CCDC146: variants seen among roughly 807,000 people sequenced by gnomAD.
CCDC146 encodes the protein coiled-coil domain containing 146.
A neutral mutation model predicts 119.3 loss-of-function variants in CCDC146; 92 were observed. The observed-to-expected ratio is 0.77, with a 90% CI of 0.65 to 0.92. The LOEUF is 0.92. Ranked by LOEUF, CCDC146 falls within the 40% of genes least tolerant of loss-of-function variation. CCDC146 has a pLI of 0.00. For missense variants in CCDC146, 1,000 were observed against 1,103.0 expected (o/e 0.91, Z 1.32); for synonymous variants, 372 against 371.8 (o/e 1.00, Z -0.01).
rs761344389 is a variant in CCDC146 at position 77,286,810 on chromosome 7, A to G, written c.2161A>G (p.Thr721Ala). The G allele has an allele frequency of 6.2e-7, 1 of 1,613,826 alleles. No homozygotes were observed. Among genetic ancestry groups the G allele is most frequent in the Admixed American group, 1.7e-5 (1 of 60,020 alleles). The change falls in exon 16 of 19, where the codon ACA becomes GCA. Residue 721 changes from threonine (T) to alanine (A), a missense_variant. Coordinates refer to ENST00000285871, the MANE Select transcript of CCDC146 (RefSeq NM_020879.3). ...AVLQIQFSQC[T>A]DRIKDLEKQF... The stretch of plus-strand genomic sequence containing the variant: ...TTTTTCTTAATAGTTTTCACAGTGT[A>G]CAGACAGAATTAAAGACCTGGAGAA...
rs1489575272 is a variant in CCDC146 at position 77,197,849 on chromosome 7, A to G, written c.156+30025A>G. Among the ~76,000 whole-genome samples, 3 of 152,306 alleles carry G rather than the reference A, an allele frequency of 2.0e-5. No homozygotes were observed. In the East Asian group the frequency reaches 5.8e-4, roughly 29 times the overall value. The stretch of plus-strand genomic sequence containing the variant: ...GGTTTCTAGAAAGAAACAACAGGTG[A>G]CTATATTGAGGATAAGCATAATAAT... On this transcript the variant is annotated intron_variant, in intron 2 of 18. Transcript: ENST00000285871.
At chr7:77,158,519 T>A (rs572603839) in intron 1 of CCDC146, among the ~76,000 whole-genome samples, 63 of 152,250 alleles carry the variant, frequency 4.1e-4, no homozygotes, top group African/African-American at 1.5e-3. Context: ...ATTTATTGTT[T>A]TTTTTTGTTT....
In CCDC146 at chr7:77,289,545, A is replaced by G. The variant is rs139235433; in HGVS notation, c.2415+1968A>G. Among the ~76,000 whole-genome samples the G allele has an allele frequency of 3.0e-3, 450 of 152,358 alleles. 2 individuals carry two copies. The highest frequency in any genetic ancestry group is 0.01 in the African/African-American group (424 of 41,584). ...ATCAAAAGTAGAAAATGACCTTGAG[A>G]AAGATGGATAAATGATCTTAAAACT... is the stretch of plus-strand genomic sequence containing the variant. On this transcript the variant is annotated intron_variant, in intron 17 of 18. Transcript: ENST00000285871.
chr7:77,220,976 T>C (rs533922033), intron 2 of CCDC146, among the ~76,000 whole-genome samples: 1 of 152,290 alleles, frequency 6.6e-6, no homozygotes, highest in East Asian at 1.9e-4. Flanking sequence ...CATCTGCTTC[T>C]GGGAAGACCT....
Position 77,271,017 on chromosome 7 carries a change from G to A in CCDC146, c.1174-2677G>A, listed in dbSNP as rs535755466. On this transcript the variant is annotated intron_variant, in intron 9 of 18. Coordinates refer to ENST00000285871, the MANE Select transcript of CCDC146 (RefSeq NM_020879.3). ...TCATATGGGCACCCCCAGCTGCAAAGAAGTGTGAGGACTCCTGGATACATT... is the reference window on the plus strand; with the variant it reads ...TCATATGGGCACCCCCAGCTGCAAAAAAGTGTGAGGACTCCTGGATACATT... Among the ~76,000 whole-genome samples, 34 of 142,126 alleles carry A rather than the reference G, an allele frequency of 2.4e-4. 1 individual carries two copies. Among genetic ancestry groups the A allele is most frequent in the Non-Finnish European group, 3.9e-4 (26 of 66,622 alleles). The allele number at this position is 142,126 out of a possible 152,430, so 93.2% of individuals were successfully genotyped here. A position where few individuals can be genotyped will look rare whatever the true frequency, so the allele number is the denominator to read the frequency against.
intron 9 of CCDC146, among the ~76,000 whole-genome samples, chr7:77,265,430 T>C (rs1793381873): frequency 6.6e-6 from 1 of 152,238 alleles, no homozygotes; most frequent in Non-Finnish European, 1.5e-5. Context: ...TGCTGAATCA[T>C]CAAAGCATTC....
chr7:77,258,734 A>T (rs1170844046), intron 6 of CCDC146, among the ~76,000 whole-genome samples: 3 of 152,200 alleles, frequency 2.0e-5, no homozygotes, highest in Non-Finnish European at 4.4e-5. Flanking sequence ...TATGTGGAGG[A>T]GCATCTGTAC....
At position 77,142,196 on chromosome 7, in the gene CCDC146, A is replaced by G. The variant is rs192145045; in HGVS notation, c.-12+19464A>G. 6.2e-3 allele frequency among the ~76,000 whole-genome samples: 951 copies of G among 152,260 alleles called. 10 individuals carry two copies. Among genetic ancestry groups the G allele is most frequent in the African/African-American group, 0.021 (883 of 41,554 alleles). ...CTCTCTCACCACTCTTATTCAGCAT[A>G]GTATTGGAAGTTCTGGCCAGGGCAA... On this transcript the variant is annotated intron_variant, in intron 1 of 18. Transcript: ENST00000285871.
Position 77,294,990 on chromosome 7 carries a change from C to A in CCDC146, c.*124C>A. 4.0e-6 allele frequency: 3 copies of A among 745,108 alleles called. No individual in the cohort carries two copies. The highest frequency in any genetic ancestry group is 3.9e-4 in the Middle Eastern group (1 of 2,592). The allele number at this position is 745,108 out of a possible 1,614,324, so 46.2% of individuals were successfully genotyped here. A position where few individuals can be genotyped will look rare whatever the true frequency, so the allele number is the denominator to read the frequency against. On this transcript the variant is annotated 3_prime_UTR_variant, in exon 19 of 19. Coordinates refer to ENST00000285871, the MANE Select transcript of CCDC146 (RefSeq NM_020879.3). ...GATAAGTAAGGTAACCACAATTAGT[C>A]AGCAACAGAGTACAACAGGGTTTCT... is the stretch of plus-strand genomic sequence containing the variant.
At chr7:77,277,235 T>C (rs1235928655) in intron 11 of CCDC146, among the ~76,000 whole-genome samples, 23 of 152,170 alleles carry the variant, frequency 1.5e-4, no homozygotes, top group Admixed American at 1.5e-3. Flanking sequence ...CTTCCTCCCT[T>C]TTCTCTTTAG....
chr7:77,263,597 G>A (rs367704062), intron 9 of CCDC146, among the ~76,000 whole-genome samples: 17 of 152,352 alleles, frequency 1.1e-4, no homozygotes, highest in Middle Eastern at 3.4e-3. Context: ...CTTGGACTTC[G>A]TCTTGCTGTC....
intron 2 of CCDC146, among the ~76,000 whole-genome samples, chr7:77,218,901 C>T (rs1792349086): frequency 6.6e-6 from 1 of 151,910 alleles, no homozygotes; most frequent in Non-Finnish European, 1.5e-5. Context: ...AATGAATTCT[C>T]TATTTTTTAA....
chr7:77,276,225 A>T (rs1353608662), intron 11 of CCDC146, among the ~76,000 whole-genome samples: 2 of 150,956 alleles, frequency 1.3e-5, no homozygotes, highest in Non-Finnish European at 1.5e-5. Flanking sequence ...AAAAAAAAAG[A>T]ATTTATCTCA....
chr7:77,278,069 G>C (rs562342286), intron 11 of CCDC146, among the ~76,000 whole-genome samples: 1 of 152,242 alleles, frequency 6.6e-6, no homozygotes, highest in African/African-American at 2.4e-5. Context: ...ACATACAAAA[G>C]AATGGAAAGC....
chr7:77,293,423 C>T (rs1418705050), intron 18 of CCDC146, among the ~76,000 whole-genome samples: 1 of 152,222 alleles, frequency 6.6e-6, no homozygotes, highest in Non-Finnish European at 1.5e-5. Context: ...ACAGGGCCCA[C>T]CCCATAGCCT....
chr7:77,147,540 T>C (rs753132049), intron 1 of CCDC146, among the ~76,000 whole-genome samples: 3 of 152,224 alleles, frequency 2.0e-5, no homozygotes, highest in Admixed American at 6.5e-5. Flanking sequence ...TCTTTGTGGT[T>C]TTATCTACCT....
chr7:77,252,016 G>A (rs1314833248), intron 4 of CCDC146, among the ~76,000 whole-genome samples: 2 of 152,102 alleles, frequency 1.3e-5, no homozygotes, highest in Non-Finnish European at 2.9e-5. Context: ...GGACGTGGTG[G>A]CACGTGCCTA....
intron 2 of CCDC146, among the ~76,000 whole-genome samples, chr7:77,201,387 CAAA>C (rs56093311): frequency 7.5e-5 from 10 of 133,244 alleles, no homozygotes; most frequent in African/African-American, 8.1e-5. Context: ...ACTAAAAATA[CAAA>C]AAAAAAAAAA....
intron 2 of CCDC146, among the ~76,000 whole-genome samples, chr7:77,217,562 T>TAGAGAG (rs34086605): frequency 6.8e-6 from 1 of 147,212 alleles, no homozygotes; most frequent in Admixed American, 6.8e-5. Flanking sequence ...TATATATATA[T>TAGAGAG]AGAGAGAGAG....
Sources: allele counts gnomAD v4.1 joint callset (sites outside exome capture counted in the v4.1 genomes callset), GRCh38; gene constraint gnomAD v4.1.1; transcripts MANE v1.5; gene names NCBI Gene and HGNC (gene_info 2026-07-23, HGNC 2026-07-21).